PPM1L: variants seen among roughly 807,000 people sequenced by gnomAD.
PPM1L encodes protein phosphatase 1L.
A neutral mutation model predicts 31.4 loss-of-function variants in PPM1L; 13 were observed. That is an observed-to-expected ratio of 0.41 (90% CI 0.27 to 0.66). The LOEUF (loss-of-function observed/expected upper bound fraction) is 0.66, where lower values mean the gene tolerates loss of function less well. Ranked by LOEUF, PPM1L falls within the 30% of genes least tolerant of loss-of-function variation. The probability of loss-of-function intolerance (pLI) is 0.29; values close to 1 mark genes in which losing one functional copy is unlikely to be tolerated. For synonymous variants in PPM1L, 184 were observed against 175.4 expected (o/e 1.05, Z -0.39); for missense variants, 326 against 453.7 (o/e 0.72, Z 2.56).
At chr3:161,022,039 CTATT>C (rs2108072747) in intron 2 of PPM1L, 1 of 480,578 alleles carries the variant, frequency 2.1e-6, no homozygotes, top group East Asian at 3.4e-5. Context: ...TACTATTTTA[CTATT>C]TGTTTTTTAT....
At chr3:160,770,396 G>C (rs1047470520) in intron 1 of PPM1L, among the ~76,000 whole-genome samples, 7 of 152,126 alleles carry the variant, frequency 4.6e-5, no homozygotes, top group Non-Finnish European at 1.0e-4. Flanking sequence ...ATGGATAATG[G>C]AGTAAATTTT....
At chr3:160,767,911 A>G (rs960256618) in intron 1 of PPM1L, among the ~76,000 whole-genome samples, 3 of 152,194 alleles carry the variant, frequency 2.0e-5, no homozygotes, top group African/African-American at 7.2e-5. Flanking sequence ...AATTAAATGA[A>G]TTAATTTTCA....
intron 1 of PPM1L, among the ~76,000 whole-genome samples, chr3:160,803,101 T>C (rs1020645343): frequency 6.6e-6 from 1 of 152,188 alleles, no homozygotes; most frequent in Non-Finnish European, 1.5e-5. Flanking sequence ...TAACTCACCA[T>C]CTCAGTGTAA....
intron 1 of PPM1L, among the ~76,000 whole-genome samples, chr3:160,914,325 C>T (rs1056999104): frequency 3.9e-5 from 6 of 152,002 alleles, no homozygotes; most frequent in Admixed American, 2.0e-4. Flanking sequence ...TTTTAGGGTA[C>T]ATGTGCACAA....
chr3:160,969,690 T>C (rs1716261115), intron 2 of PPM1L, among the ~76,000 whole-genome samples: 1 of 152,204 alleles, frequency 6.6e-6, no homozygotes, highest in Non-Finnish European at 1.5e-5. Context: ...GCTCAAAAGA[T>C]ACCCTCTCCA....
At chr3:160,800,626 G>T (rs1712396169) in intron 1 of PPM1L, among the ~76,000 whole-genome samples, 1 of 151,850 alleles carries the variant, frequency 6.6e-6, no homozygotes, top group Non-Finnish European at 1.5e-5. Context: ...CCAAAGTTGT[G>T]GTCATTTTTA....
At chr3:161,042,457 C>T (rs1465165442) in intron 2 of PPM1L, among the ~76,000 whole-genome samples, 4 of 152,168 alleles carry the variant, frequency 2.6e-5, no homozygotes, top group Non-Finnish European at 5.9e-5. Flanking sequence ...AGGGACAATG[C>T]CACCCTGGGG....
chr3:161,050,687 A>C (rs1275351142), intron 2 of PPM1L, among the ~76,000 whole-genome samples: 1 of 152,198 alleles, frequency 6.6e-6, no homozygotes, highest in East Asian at 1.9e-4. Context: ...TATTCTTCAG[A>C]AACACTATAA....
intron 1 of PPM1L, among the ~76,000 whole-genome samples, chr3:160,757,932 A>G (rs767146097): frequency 6.6e-6 from 1 of 152,192 alleles, no homozygotes; most frequent in Non-Finnish European, 1.5e-5. Flanking sequence ...ACATTGAGAA[A>G]GCTTTCAACT....
chr3:160,945,339 T>A (rs557095171), intron 1 of PPM1L, among the ~76,000 whole-genome samples: 2 of 151,956 alleles, frequency 1.3e-5, no homozygotes, highest in Non-Finnish European at 1.5e-5. Context: ...GGCACAGCTA[T>A]GTTCCAGCAA....
chr3:160,846,159 T>G, intron 1 of PPM1L, among the ~76,000 whole-genome samples: 1 of 152,144 alleles, frequency 6.6e-6, no homozygotes, highest in East Asian at 1.9e-4. Flanking sequence ...TTCTGAAGTC[T>G]TCAAACTAAA....
chr3:161,038,026 G>A (rs1285809800), intron 2 of PPM1L, among the ~76,000 whole-genome samples: 1 of 151,708 alleles, frequency 6.6e-6, no homozygotes, highest in African/African-American at 2.4e-5. Context: ...GAGGTCAGGA[G>A]ATCGAGACCA....
chr3:160,947,280 C>T (rs1027613616), intron 1 of PPM1L, among the ~76,000 whole-genome samples: 4 of 152,126 alleles, frequency 2.6e-5, no homozygotes, highest in Non-Finnish European at 4.4e-5. Flanking sequence ...CTCAGCAGTC[C>T]CAATGGCCGG....
At chr3:160,770,898 G>C (rs191176400) in intron 1 of PPM1L, among the ~76,000 whole-genome samples, 180 of 152,264 alleles carry the variant, frequency 1.2e-3, no homozygotes, top group African/African-American at 4.1e-3. Flanking sequence ...GCTTGCGGAG[G>C]AGTCTCATAC....
At chr3:160,963,929 G>A (rs368190556) in intron 2 of PPM1L, among the ~76,000 whole-genome samples, 1 of 151,978 alleles carries the variant, frequency 6.6e-6, no homozygotes, top group East Asian at 1.9e-4. Context: ...AGGATCTAAG[G>A]TCTAGGCCTT....
rs1255163873 is a variant in PPM1L, at chr3:161,072,304, T to TATG, written c.*3148_*3149insTGA. 6.6e-6 allele frequency: 1 copy of TATG among 152,266 alleles called. No individual in the cohort carries two copies. Among genetic ancestry groups the TATG allele is most frequent in the African/African-American group, 2.4e-5 (1 of 41,480 alleles). The allele number at this position is 152,266 out of a possible 1,614,324, so 9.4% of individuals were successfully genotyped here. ...GCTGTTCTAATGTGACATATCTGTG[T>TATG]ACATATGTACATAGTACTGGTAACC... On this transcript the variant is annotated 3_prime_UTR_variant, in exon 4 of 4. Transcript: ENST00000498165.
chr3:160,916,497 A>G lies in PPM1L; in HGVS notation c.400-45239A>G, dbSNP rs1354077116. On this transcript the variant is annotated intron_variant, in intron 1 of 3. Transcript: ENST00000498165. ...TAAAATGTAACACATCTGCTATGATATAGCTCATTTGAGGATAATAGAAAA... is the reference window on the plus strand; with the variant it reads ...TAAAATGTAACACATCTGCTATGATGTAGCTCATTTGAGGATAATAGAAAA... Among the ~76,000 whole-genome samples, 3 of 152,328 alleles carry G rather than the reference A, an allele frequency of 2.0e-5. No individual in the cohort carries two copies. In the East Asian group the frequency reaches 5.8e-4, roughly 29 times the overall value.
At chr3:160,819,748 A>G (rs1399347698) in intron 1 of PPM1L, among the ~76,000 whole-genome samples, 1 of 152,012 alleles carries the variant, frequency 6.6e-6, no homozygotes, top group Non-Finnish European at 1.5e-5. Flanking sequence ...ATCTGCTAGC[A>G]TGGATAGAGG....
At chr3:160,955,329 T>C (rs1260203024) in intron 1 of PPM1L, among the ~76,000 whole-genome samples, 1 of 152,026 alleles carries the variant, frequency 6.6e-6, no homozygotes, top group Non-Finnish European at 1.5e-5. Flanking sequence ...TAAATTATTT[T>C]TTAAAATTGG....
Sources: gnomAD v4.1 joint callset for allele counts (sites outside exome capture counted in the v4.1 genomes callset) on GRCh38, gnomAD v4.1.1 for gene constraint, MANE v1.5 for transcripts, NCBI Gene and HGNC (gene_info 2026-07-23, HGNC 2026-07-21) for gene names.